Variants in CEP162 observed in about 807,000 individuals in gnomAD.
The protein encoded by CEP162 is centrosomal protein of 162 kDa.
CEP162 carries 141 observed loss-of-function variants against 169.2 expected under a neutral mutation model. The observed-to-expected ratio is 0.83, with a 90% confidence interval of 0.73 to 0.96. The LOEUF (loss-of-function observed/expected upper bound fraction) is 0.96. Ranked by LOEUF, CEP162 falls within the 40% of genes least tolerant of loss-of-function variation. The pLI is 0.00. For synonymous variants in CEP162, 540 were observed against 526.4 expected, an observed-to-expected ratio of 1.03 and a Z score of -0.35; for missense variants, 1,600 against 1,587.2, an observed-to-expected ratio of 1.01 and a Z score of -0.14.
intron 8 of CEP162, 54 bp from the exon 9 acceptor site, chr6:84,200,959 G>T: frequency 9.2e-7 from 1 of 1,092,666 alleles, no homozygotes; most frequent in Non-Finnish European, 1.4e-6. Flanking sequence ...CAGTGGTTCT[G>T]TTGATCTAAT....
intron 13 of CEP162, among the ~76,000 whole-genome samples, chr6:84,179,120 T>A (rs369000138): frequency 1.3e-5 from 2 of 152,246 alleles, no homozygotes; most frequent in African/African-American, 4.8e-5. Context: ...GCAATAAACA[T>A]ACATGTGCAT....
At chr6:84,201,381 T>C (rs1414304200) in intron 8 of CEP162, among the ~76,000 whole-genome samples, 38 of 152,192 alleles carry the variant, frequency 2.5e-4, no homozygotes. Context: ...TATATGTATA[T>C]ATGTTACAAG....
At chr6:84,179,710 A>G (rs1320190962) in intron 13 of CEP162, among the ~76,000 whole-genome samples, 2 of 152,126 alleles carry the variant, frequency 1.3e-5, no homozygotes, top group African/African-American at 4.8e-5. Flanking sequence ...GAATATTATA[A>G]ACACATTTCT....
intron 11 of CEP162, among the ~76,000 whole-genome samples, chr6:84,193,039 C>T (rs1277953092): frequency 2.0e-5 from 3 of 152,198 alleles, no homozygotes; most frequent in Non-Finnish European, 4.4e-5. Context: ...ATGAGGATCA[C>T]GTGGGAGACT....
chr6:84,161,911 T>A lies in CEP162; in HGVS notation c.2513-2A>T, dbSNP rs1258815878. Reference sequence around the variant, plus strand: ...TTTTTATTTCATATAATTTCTCACCTATAAGATACAGTAACTCAATAACCT... The same window carrying A: ...TTTTTATTTCATATAATTTCTCACCAATAAGATACAGTAACTCAATAACCT... On this transcript the variant is annotated splice_acceptor_variant, in intron 19 of 26. Coordinates refer to ENST00000403245, the MANE Select transcript of CEP162 (RefSeq NM_014895.4). LOFTEE classifies it high-confidence loss of function. 2 of 1,485,568 alleles carry A rather than the reference T, an allele frequency of 1.3e-6. No individual in the cohort carries two copies. The highest frequency in any genetic ancestry group is 1.8e-6 in the Non-Finnish European group (2 of 1,086,348). The allele number at this position is 1,485,568 out of a possible 1,614,324, so 92.0% of individuals were successfully genotyped here.
intron 7 of CEP162, 69 bp downstream of exon 7, chr6:84,203,910 TCA>T: frequency 1.3e-6 from 1 of 791,042 alleles, no homozygotes; most frequent in African/African-American, 1.8e-5. Flanking sequence ...TTTGAGCTCT[TCA>T]TATAGCAATA....
At chr6:84,189,862 A>T (rs2099539020) in intron 11 of CEP162, among the ~76,000 whole-genome samples, 1 of 152,212 alleles carries the variant, frequency 6.6e-6, no homozygotes, top group African/African-American at 2.4e-5. Context: ...GAGAGTCTTT[A>T]TATCTAGCTC....
At chr6:84,183,344 C>CA (rs2099535729) in intron 13 of CEP162, among the ~76,000 whole-genome samples, 1 of 152,064 alleles carries the variant, frequency 6.6e-6, no homozygotes, top group African/African-American at 2.4e-5. Flanking sequence ...TCAGCATACT[C>CA]ACAGGTGATC....
rs146919768 is a variant in CEP162 at position 84,134,394 on chromosome 6, GA to G, written c.3871-7883del. On this transcript the variant is annotated intron_variant, in intron 25 of 26. Coordinates refer to ENST00000403245, the MANE Select transcript of CEP162 (RefSeq NM_014895.4). ...GGCATTCCAGGCGCCACTGTGGTAT[GA>G]AAAAAAACTCCTGCAGCTAGCTCAG... 9.9e-5 allele frequency among the ~76,000 whole-genome samples: 15 copies of G among 152,072 alleles called. No homozygotes were observed. The East Asian group carries it at 2.7e-3, about 27-fold the overall frequency.
intron 21 of CEP162, 193 bp from the exon 22 acceptor site, chr6:84,155,703 G>T: frequency 1.8e-6 from 1 of 546,440 alleles, no homozygotes; most frequent in Non-Finnish European, 3.2e-6. Context: ...TTTGCCAGGA[G>T]AACTACAAAC....
intron 14 of CEP162, 89 bp from the exon 15 acceptor site, chr6:84,175,043 A>T (rs931942471): frequency 1.0e-6 from 1 of 961,238 alleles, no homozygotes. Flanking sequence ...TAAAAAGGAC[A>T]TGGTTAATAA....
In CEP162 at chr6:84,163,207, C is replaced by A. The variant is rs1295232660; in HGVS notation, c.2449G>T (p.Val817Leu). The A allele has an allele frequency of 6.2e-7, 1 of 1,612,374 alleles. No homozygotes were observed. Among genetic ancestry groups the A allele is most frequent in the Non-Finnish European group, 8.5e-7 (1 of 1,178,674 alleles). Residue 817 changes from valine (V) to leucine (L), a missense_variant, in exon 19 of 27, where the codon GTA becomes TTA. By Grantham distance (32) the Val-to-Leu change is conservative (BLOSUM62 1). Transcript: ENST00000403245. ...TCTTTCTTCATTTTTTCGAAGTCTA[C>A]TTCAAGAGCTTGTTTGTCTTGTTTC... The part of the protein sequence containing the change: ...RLKQDKQALE[V>L]DFEKMKKERD...
rs996585322 is a variant in CEP162, at chr6:84,169,834, A to G, written c.2280-401T>C. The stretch of plus-strand genomic sequence containing the variant: ...GTCTCATACATGGAAACTAACAAAC[A>G]AAACCAAACACAGCCTAATATCTGG... On this transcript the variant is annotated intron_variant, in intron 17 of 26. Coordinates refer to ENST00000403245, the MANE Select transcript of CEP162 (RefSeq NM_014895.4). 5.3e-5 allele frequency among the ~76,000 whole-genome samples: 8 copies of G among 152,312 alleles called. No individual in the cohort carries two copies. In the East Asian group the frequency reaches 1.4e-3, roughly 26 times the overall value.
At chr6:84,219,961 G>A (rs1175790542) in intron 3 of CEP162, among the ~76,000 whole-genome samples, 1 of 152,134 alleles carries the variant, frequency 6.6e-6, no homozygotes, top group Non-Finnish European at 1.5e-5. Context: ...AAGTGGTGAT[G>A]CTAGGCTTTA....
chr6:84,170,242 C>T (rs186422954), intron 17 of CEP162, among the ~76,000 whole-genome samples: 329 of 151,664 alleles, frequency 2.2e-3, no homozygotes, highest in African/African-American at 7.7e-3. Context: ...GGCATGGTGG[C>T]GGGTGCCTGT....
intron 9 of CEP162, among the ~76,000 whole-genome samples, chr6:84,200,491 C>T (rs2099544033): frequency 6.6e-6 from 1 of 152,166 alleles, no homozygotes; most frequent in South Asian, 2.1e-4. Flanking sequence ...TAACTGAATA[C>T]TCTGGAGAGG....
intron 3 of CEP162, among the ~76,000 whole-genome samples, chr6:84,219,960 T>A (rs1373370325): frequency 6.6e-6 from 1 of 152,152 alleles, no homozygotes; most frequent in Non-Finnish European, 1.5e-5. Flanking sequence ...AAAGTGGTGA[T>A]GCTAGGCTTT....
At chr6:84,185,664 A>AT (rs2099536846) in intron 12 of CEP162, among the ~76,000 whole-genome samples, 1 of 151,916 alleles carries the variant, frequency 6.6e-6, no homozygotes, top group East Asian at 1.9e-4. Context: ...GTAAAGCAAA[A>AT]TAATAAAGCA....
chr6:84,198,409 C>G (rs556767237), intron 9 of CEP162, among the ~76,000 whole-genome samples: 312 of 152,244 alleles, frequency 2.0e-3, no homozygotes, highest in African/African-American at 7.3e-3. Flanking sequence ...TTCTGCGTAG[C>G]TACAATTACA....
Sources: allele counts gnomAD v4.1 joint callset (sites outside exome capture counted in the v4.1 genomes callset), GRCh38; gene constraint gnomAD v4.1.1; transcripts MANE v1.5; gene names NCBI Gene and HGNC (gene_info 2026-07-23, HGNC 2026-07-21).